NR2F1-AS1: variants seen among roughly 807,000 people sequenced by gnomAD.
The protein encoded by NR2F1-AS1 is NR2F1 regulatory antisense RNA 1.
intron 4 of NR2F1-AS1, among the ~76,000 whole-genome samples, chr5:93,537,806 A>G (rs1435995679): frequency 4.6e-5 from 7 of 152,182 alleles, no homozygotes; most frequent in Non-Finnish European, 1.5e-5. Flanking sequence ...GATATACAGC[A>G]GGTACTCCAA....
chr5:93,497,404 C>T (rs1359629470), intron 4 of NR2F1-AS1, among the ~76,000 whole-genome samples: 2 of 152,144 alleles, frequency 1.3e-5, no homozygotes, highest in African/African-American at 4.8e-5. Flanking sequence ...TTCTCTTCAC[C>T]CAGCTGTCAA....
At chr5:93,522,697 G>A (rs1425903955) in intron 4 of NR2F1-AS1, among the ~76,000 whole-genome samples, 2 of 152,238 alleles carry the variant, frequency 1.3e-5, no homozygotes, top group East Asian at 1.9e-4. Flanking sequence ...CACAGACGGT[G>A]AGCCAAAGCA....
At chr5:93,517,562 A>G (rs974486019) in intron 4 of NR2F1-AS1, among the ~76,000 whole-genome samples, 1 of 152,012 alleles carries the variant, frequency 6.6e-6, no homozygotes, top group Non-Finnish European at 1.5e-5. Context: ...ATTGTATTAG[A>G]TATTTCAGAC....
rs1749833608 is a variant in NR2F1-AS1, at chr5:93,451,662, C to T, written n.639-56120G>A. ...AAGTGATCTGTCCACCTTGGCCTCC[C>T]AAAGTACTCGGATTATAGATGTGAA... On this transcript the variant is annotated intron_variant and non_coding_transcript_variant, in intron 4 of 5. Coordinates refer to ENST00000660523, the Ensembl canonical transcript of NR2F1-AS1. Among the ~76,000 whole-genome samples the T allele has an allele frequency of 2.0e-5, 3 of 152,274 alleles. No homozygotes were observed. In the South Asian group the frequency reaches 6.2e-4, roughly 32 times the overall value.
chr5:93,428,057 A>T (rs1173961959), intron 4 of NR2F1-AS1, among the ~76,000 whole-genome samples: 4 of 152,200 alleles, frequency 2.6e-5, no homozygotes, highest in African/African-American at 7.2e-5. Context: ...ATAGTTATGG[A>T]TGCTATACAG....
chr5:93,545,844 G>A (rs1443699336), intron 4 of NR2F1-AS1, among the ~76,000 whole-genome samples: 1 of 152,200 alleles, frequency 6.6e-6, no homozygotes, highest in East Asian at 1.9e-4. Flanking sequence ...GACAAAGTCA[G>A]TCAAATAAAT....
At chr5:93,560,007 A>T (rs931342607) in intron 2 of NR2F1-AS1, among the ~76,000 whole-genome samples, 11 of 152,256 alleles carry the variant, frequency 7.2e-5, no homozygotes, top group Admixed American at 7.2e-4. Flanking sequence ...AAAACGTAGT[A>T]TCTGTGAAGC....
intron 4 of NR2F1-AS1, among the ~76,000 whole-genome samples, chr5:93,482,095 A>G (rs1750612195): frequency 6.6e-6 from 1 of 152,094 alleles, no homozygotes; most frequent in Admixed American, 6.5e-5. Flanking sequence ...GAGAAAAATC[A>G]ATAGGAACAA....
intron 1 of NR2F1-AS1, among the ~76,000 whole-genome samples, chr5:93,580,238 C>G (rs1752991910): frequency 6.6e-6 from 1 of 152,258 alleles, no homozygotes; most frequent in Non-Finnish European, 1.5e-5. Context: ...CACGATCCTC[C>G]CCTCCAAGGA....
intron 4 of NR2F1-AS1, among the ~76,000 whole-genome samples, chr5:93,538,458 G>A (rs1234433801): frequency 6.6e-6 from 1 of 151,948 alleles, no homozygotes; most frequent in African/African-American, 2.4e-5. Context: ...CTGGGTGATG[G>A]GAGTGAGACT....
At chr5:93,552,806 T>C (rs1215666304) in intron 4 of NR2F1-AS1, among the ~76,000 whole-genome samples, 1 of 152,108 alleles carries the variant, frequency 6.6e-6, no homozygotes, top group African/African-American at 2.4e-5. Context: ...CTGTAGCAAG[T>C]TACTTACACA....
At chr5:93,570,784 C>A (rs1375643699) in intron 1 of NR2F1-AS1, 1 of 152,172 alleles carries the variant, frequency 6.6e-6, no homozygotes, top group Non-Finnish European at 1.5e-5. Context: ...CGGGGGACCG[C>A]ACTAGCGTCG....
intron 4 of NR2F1-AS1, among the ~76,000 whole-genome samples, chr5:93,551,336 T>C (rs1437621934): frequency 6.6e-6 from 1 of 152,130 alleles, no homozygotes; most frequent in Non-Finnish European, 1.5e-5. Context: ...TTCCTTTTAG[T>C]ATCTTCATTG....
chr5:93,548,091 C>T (rs1374084657), intron 4 of NR2F1-AS1, among the ~76,000 whole-genome samples: 1 of 152,112 alleles, frequency 6.6e-6, no homozygotes, highest in East Asian at 1.9e-4. Flanking sequence ...ACCAGAAATT[C>T]CTTCTTAAAT....
rs140796063 is a variant in NR2F1-AS1, at chr5:93,503,538, C to T, written n.638+50223G>A. On this transcript the variant is annotated intron_variant and non_coding_transcript_variant, in intron 4 of 5. Coordinates refer to ENST00000660523, the Ensembl canonical transcript of NR2F1-AS1. The stretch of plus-strand genomic sequence containing the variant: ...ATGTTGGCCTTGTGAACTTGGATTT[C>T]GAAGTGTTGCCACCAGTCCCAGAAC... Among the ~76,000 whole-genome samples, 216 of 152,278 alleles carry T rather than the reference C, an allele frequency of 1.4e-3. 1 individual carries two copies. Among genetic ancestry groups the T allele is most frequent in the African/African-American group, 5.0e-3 (206 of 41,574 alleles).
intron 4 of NR2F1-AS1, among the ~76,000 whole-genome samples, chr5:93,503,410 C>T (rs969121242): frequency 1.6e-4 from 25 of 151,876 alleles, no homozygotes; most frequent in African/African-American, 6.1e-4. Context: ...AGAGTTTTAG[C>T]GTAAGAGGGA....
At chr5:93,559,602 T>A (rs2149918266) in intron 2 of NR2F1-AS1, among the ~76,000 whole-genome samples, 1 of 152,324 alleles carries the variant, frequency 6.6e-6, no homozygotes, top group Non-Finnish European at 1.5e-5. Flanking sequence ...TGACTTAAAG[T>A]AAAGGAGGTG....
chr5:93,559,792 C>A (rs906022283), intron 2 of NR2F1-AS1, among the ~76,000 whole-genome samples: 1 of 152,186 alleles, frequency 6.6e-6, no homozygotes, highest in Non-Finnish European at 1.5e-5. Flanking sequence ...CTTCAACGGG[C>A]TCAATTTGTG....
chr5:93,448,167 G>A (rs1014715253), intron 4 of NR2F1-AS1, among the ~76,000 whole-genome samples: 1 of 152,026 alleles, frequency 6.6e-6, no homozygotes, highest in Non-Finnish European at 1.5e-5. Context: ...CCTGCACATT[G>A]TGCACATGTA....
Sources: gnomAD v4.1 joint callset for allele counts (sites outside exome capture counted in the v4.1 genomes callset) on GRCh38, gnomAD v4.1.1 for gene constraint, MANE v1.5 for transcripts, NCBI Gene and HGNC (gene_info 2026-07-23, HGNC 2026-07-21) for gene names.